NRF1: variants seen among roughly 807,000 people sequenced by gnomAD.
NRF1 encodes nuclear respiratory factor 1, also known as alpha palindromic-binding protein.
NRF1 carries 5 observed loss-of-function variants against 58.5 expected under a neutral mutation model. That is an observed-to-expected ratio of 0.09 (90% CI 0.04 to 0.18). The LOEUF (loss-of-function observed/expected upper bound fraction) is 0.18, where lower values mean the gene tolerates loss of function less well. NRF1 is among the 10% of genes least tolerant of loss of function. The probability of loss-of-function intolerance (pLI) is 1.00; values close to 1 mark genes in which losing one functional copy is unlikely to be tolerated. For synonymous variants in NRF1, 224 were observed against 246.7 expected (o/e 0.91, Z 0.86); for missense variants, 288 against 657.7 (o/e 0.44, Z 6.15).
intron 8 of NRF1, 28 bp from the exon 9 acceptor site, chr7:129,717,191 T>G (rs754113727): frequency 1.2e-5 from 18 of 1,552,994 alleles, no homozygotes; most frequent in Middle Eastern, 1.7e-4. Flanking sequence ...GGCTTTGTTT[T>G]TTTACTATCT....
At chr7:129,721,196 A>G (rs1186964364) in intron 9 of NRF1, among the ~76,000 whole-genome samples, 2 of 152,024 alleles carry the variant, frequency 1.3e-5, no homozygotes, top group Admixed American at 6.5e-5. Context: ...CTACAAACCC[A>G]TTTCCTGAAT....
chr7:129,644,814 G>T (rs911126115), intron 1 of NRF1, among the ~76,000 whole-genome samples: 4 of 152,080 alleles, frequency 2.6e-5, no homozygotes, highest in African/African-American at 9.7e-5. Context: ...TCCTTTGCTT[G>T]TGGCACCCTC....
chr7:129,666,061 G>A (rs1801914272), intron 2 of NRF1, among the ~76,000 whole-genome samples: 1 of 152,232 alleles, frequency 6.6e-6, no homozygotes, highest in Admixed American at 6.5e-5. Flanking sequence ...GGTAAATTGT[G>A]CAGCAAGTAG....
chr7:129,616,467 G>C (rs546077554), intron 1 of NRF1, among the ~76,000 whole-genome samples: 62 of 152,282 alleles, frequency 4.1e-4, no homozygotes, highest in African/African-American at 1.3e-3. Context: ...GGGTATGGTG[G>C]CATATGCCTA....
intron 5 of NRF1, among the ~76,000 whole-genome samples, chr7:129,704,579 G>A (rs372238071): frequency 1.2e-4 from 18 of 152,242 alleles, no homozygotes; most frequent in East Asian, 1.9e-4. Flanking sequence ...CCAGAAGTAC[G>A]TTGGATTTCA....
chr7:129,715,569 T>C (rs1803166648), intron 8 of NRF1, among the ~76,000 whole-genome samples: 1 of 152,222 alleles, frequency 6.6e-6, no homozygotes, highest in African/African-American at 2.4e-5. Context: ...CTTTGATCTA[T>C]AATTCTACCT....
In NRF1 at chr7:129,658,003, G is replaced by A. The variant is rs149903737; in HGVS notation, c.223+429G>A. ...GTAATCACTTACTATCAGTGTTATG[G>A]CTTTGGTTTTATTTTTTCATCTATT... On this transcript the variant is annotated intron_variant, in intron 2 of 10. Transcript: ENST00000393232. Among the ~76,000 whole-genome samples the A allele has an allele frequency of 2.4e-4, 36 of 152,148 alleles. 1 individual carries two copies. The East Asian group carries it at 4.4e-3, about 19-fold the overall frequency.
rs151035032 is a variant in NRF1, at chr7:129,705,413, C to T, written c.607-3662C>T. ...TTAAGCGATTCTCCTGCCTCAGCCT[C>T]CTGAGTAGCTGGCATTACAGGTATG... On this transcript the variant is annotated intron_variant, in intron 5 of 10. Transcript: ENST00000393232. Among the ~76,000 whole-genome samples, 259 of 152,262 alleles carry T rather than the reference C, an allele frequency of 1.7e-3. 1 individual carries two copies. The highest frequency in any genetic ancestry group is 5.9e-3 in the African/African-American group (246 of 41,546).
chr7:129,725,282 A>G (rs1213765610), intron 9 of NRF1, among the ~76,000 whole-genome samples: 2 of 152,136 alleles, frequency 1.3e-5, no homozygotes, highest in Admixed American at 1.3e-4. Flanking sequence ...TGTGCATTTT[A>G]CCACAACAAA....
intron 1 of NRF1, among the ~76,000 whole-genome samples, chr7:129,616,107 G>A (rs1800654490): frequency 6.6e-6 from 1 of 152,070 alleles, no homozygotes. Flanking sequence ...TCAGAATTGG[G>A]CTAATGTATT....
intron 1 of NRF1, among the ~76,000 whole-genome samples, chr7:129,625,675 ATTTTTTTTTT>A (rs56694598): frequency 4.5e-5 from 4 of 88,994 alleles, no homozygotes; most frequent in African/African-American, 9.6e-5. Context: ...TAATGTTTTA[ATTTTTTTTTT>A]TTTTTTTTTT....
chr7:129,688,397 G>A (rs1189487919), intron 4 of NRF1, among the ~76,000 whole-genome samples: 3 of 152,146 alleles, frequency 2.0e-5, no homozygotes, highest in Non-Finnish European at 4.4e-5. Flanking sequence ...AATGTGCTGG[G>A]ATTACAGGTG....
chr7:129,665,931 A>C (rs1291351942), intron 2 of NRF1, among the ~76,000 whole-genome samples: 1 of 152,168 alleles, frequency 6.6e-6, no homozygotes, highest in Non-Finnish European at 1.5e-5. Flanking sequence ...ACTTCTTTTT[A>C]AACAAAATTG....
intron 10 of NRF1, among the ~76,000 whole-genome samples, chr7:129,751,179 T>C (rs1804107194): frequency 6.6e-6 from 1 of 152,180 alleles, no homozygotes; most frequent in Non-Finnish European, 1.5e-5. Flanking sequence ...GGTGTGTGCT[T>C]GGAGAACCTC....
intron 4 of NRF1, 31 bp downstream of exon 4, chr7:129,677,789 C>T (rs1802216751): frequency 6.2e-7 from 1 of 1,609,616 alleles, no homozygotes; most frequent in Non-Finnish European, 8.5e-7. Context: ...TCTCATTTGC[C>T]CTTTGCTTTC....
At chr7:129,754,894 G>T in intron 10 of NRF1, 124 bp from the exon 11 acceptor site, 5 of 872,390 alleles carry the variant, frequency 5.7e-6, no homozygotes, top group Admixed American at 2.8e-5. Flanking sequence ...TGGGCCATGG[G>T]TATGTGATCA....
intron 4 of NRF1, among the ~76,000 whole-genome samples, chr7:129,683,314 TGTGTGTGA>T (rs1050120624): frequency 7.1e-6 from 1 of 140,302 alleles, no homozygotes; most frequent in East Asian, 2.3e-4. Flanking sequence ...TGTGTGTGTG[TGTGTGTGA>T]GAGAGAGAGA....
chr7:129,690,337 T>C, intron 4 of NRF1, 69 bp from the exon 5 acceptor site: 6 of 1,546,570 alleles, frequency 3.9e-6, no homozygotes, highest in Non-Finnish European at 5.3e-6. Context: ...ACCCACTCTC[T>C]TGTTGCTTGG....
intron 9 of NRF1, among the ~76,000 whole-genome samples, chr7:129,722,511 G>A (rs1305682788): frequency 1.3e-5 from 2 of 152,000 alleles, no homozygotes; most frequent in Non-Finnish European, 2.9e-5. Context: ...CATCATCGTT[G>A]TCTTCATGCC....
Sources: gnomAD v4.1 joint callset for allele counts (sites outside exome capture counted in the v4.1 genomes callset) on GRCh38, gnomAD v4.1.1 for gene constraint, MANE v1.5 for transcripts, NCBI Gene and HGNC (gene_info 2026-07-23, HGNC 2026-07-21) for gene names.